CFAP61: variants seen among roughly 807,000 people sequenced by gnomAD.
The protein encoded by CFAP61 is cilia- and flagella-associated protein 61.
CFAP61 carries 107 observed loss-of-function variants against 135.6 expected under a neutral mutation model. The ratio of observed to expected loss-of-function variants is 0.79; its 90% CI spans 0.67 to 0.93. The LOEUF is 0.93. Among genes scored for constraint, CFAP61 ranks in the 40% least tolerant of loss-of-function variants. The probability of loss-of-function intolerance (pLI) is 0.00; values close to 1 mark genes in which losing one functional copy is unlikely to be tolerated. For synonymous variants in CFAP61, 575 were observed against 578.5 expected (o/e 0.99, Z 0.09); for missense variants, 1,507 against 1,556.2 (o/e 0.97, Z 0.53).
At chr20:20,334,782 C>G (rs1282844687) in intron 25 of CFAP61, among the ~76,000 whole-genome samples, 1 of 152,110 alleles carries the variant, frequency 6.6e-6, no homozygotes, top group Non-Finnish European at 1.5e-5. Context: ...TCAAAGCAAT[C>G]AAAAAATTGA....
chr20:20,057,285 TATA>T (rs1294134827), intron 2 of CFAP61, among the ~76,000 whole-genome samples: 4 of 152,168 alleles, frequency 2.6e-5, no homozygotes, highest in Non-Finnish European at 5.9e-5. Flanking sequence ...TCCTATTTCC[TATA>T]ATAATATGCA....
intron 8 of CFAP61, among the ~76,000 whole-genome samples, chr20:20,123,308 C>A (rs1183920979): frequency 6.6e-6 from 1 of 151,632 alleles, no homozygotes; most frequent in Non-Finnish European, 1.5e-5. Flanking sequence ...GTTTTTATTG[C>A]ATTTGTTTTT....
At position 20,071,009 on chromosome 20, in the gene CFAP61, G is replaced by GA; in HGVS notation, c.294+8dup. 6.2e-7 allele frequency: 1 copy of GA among 1,612,990 alleles called. No homozygotes were observed. The highest frequency in any genetic ancestry group is 8.5e-7 in the Non-Finnish European group (1 of 1,179,506). The stretch of plus-strand genomic sequence containing the variant: ...GACAGTGACATCCCATGCACAGTAA[G>GA]AAATCACATACAGTGCTTGTTAGAA... On this transcript the variant is annotated splice_donor_region_variant and intron_variant, in intron 3 of 26. Transcript: ENST00000245957.
At chr20:20,189,883 C>A (rs763610579) in intron 14 of CFAP61, among the ~76,000 whole-genome samples, 7 of 152,214 alleles carry the variant, frequency 4.6e-5, no homozygotes, top group African/African-American at 7.2e-5. Flanking sequence ...CAACCTCCGC[C>A]TCCCGGGTTC....
At chr20:20,223,304 T>G (rs887260402) in intron 17 of CFAP61, among the ~76,000 whole-genome samples, 1 of 152,148 alleles carries the variant, frequency 6.6e-6, no homozygotes, top group Non-Finnish European at 1.5e-5. Context: ...CCGAGGAAAC[T>G]GATATTTAGG....
At chr20:20,246,638 T>A (rs1342854047) in intron 19 of CFAP61, among the ~76,000 whole-genome samples, 1 of 152,238 alleles carries the variant, frequency 6.6e-6, no homozygotes, top group Non-Finnish European at 1.5e-5. Context: ...CATGCCAGTC[T>A]GGGTGAGCTT....
rs754016234 is a variant in CFAP61 at position 20,251,594 on chromosome 20, G to T, written c.2160-1G>T. 6.2e-7 allele frequency: 1 copy of T among 1,613,884 alleles called. No homozygotes were observed. The highest frequency in any genetic ancestry group is 8.5e-7 in the Non-Finnish European group (1 of 1,179,922). ...CACTTACGGAGCTTCTCTCTTTGCA[G>T]CCACTGTTTTAATGATAAAGATTAT... On this transcript the variant is annotated splice_acceptor_variant, in intron 19 of 26. Transcript: ENST00000245957. LOFTEE classifies it high-confidence loss of function.
At chr20:20,111,042 A>G (rs1316218438) in intron 8 of CFAP61, among the ~76,000 whole-genome samples, 1 of 152,172 alleles carries the variant, frequency 6.6e-6, no homozygotes, top group East Asian at 1.9e-4. Flanking sequence ...GCTCAGAGGT[A>G]ATGAGCAGGA....
chr20:20,199,636 A>G lies in CFAP61; in HGVS notation c.1798-132A>G. 8 of 890,486 alleles carry G rather than the reference A, an allele frequency of 9.0e-6. No individual in the cohort carries two copies. In the South Asian group the frequency reaches 1.4e-4, roughly 16 times the overall value. 55.2% of individuals were successfully genotyped at this position (890,486 alleles called of 1,614,324 possible). A position where few individuals can be genotyped will look rare whatever the true frequency, so the allele number is the denominator to read the frequency against. On this transcript the variant is annotated intron_variant, in intron 16 of 26. Transcript: ENST00000245957. ...CTCTGCTCGAAGAGTATGTTTGTTT[A>G]TTTGCTGATTTTTTTTTTTCCTCTC... is the stretch of plus-strand genomic sequence containing the variant.
rs1254399504 is a variant in CFAP61, at chr20:20,174,104, A to G, written c.1385+4644A>G. 3.9e-5 allele frequency among the ~76,000 whole-genome samples: 6 copies of G among 152,134 alleles called. No homozygotes were observed. The East Asian group carries it at 9.6e-4, about 24-fold the overall frequency. On this transcript the variant is annotated intron_variant, in intron 13 of 26. Transcript: ENST00000245957. ...AGCTTCATTTTCTTGAATCACTTGC[A>G]TTTAAAATTGGAGCACATGATGTAT...
At chr20:20,326,103 T>C (rs2057736967) in intron 25 of CFAP61, among the ~76,000 whole-genome samples, 1 of 152,210 alleles carries the variant, frequency 6.6e-6, no homozygotes, top group African/African-American at 2.4e-5. Flanking sequence ...ACTCAAATGC[T>C]TGCTTGCTAT....
At chr20:20,130,307 T>A (rs1018021928) in intron 8 of CFAP61, among the ~76,000 whole-genome samples, 11 of 151,294 alleles carry the variant, frequency 7.3e-5, no homozygotes, top group African/African-American at 2.4e-4. Context: ...AAAAAAAAGA[T>A]CACTGAGTTT....
At chr20:20,117,862 G>T (rs1354109500) in intron 8 of CFAP61, among the ~76,000 whole-genome samples, 1 of 152,060 alleles carries the variant, frequency 6.6e-6, no homozygotes, top group African/African-American at 2.4e-5. Context: ...TTGTAAATGG[G>T]ATTGCTTTCT....
intron 26 of CFAP61, among the ~76,000 whole-genome samples, chr20:20,348,689 C>CA (rs71198052): frequency 0.24 from 12,744 of 53,372 alleles, 1,952 homozygotes; most frequent in South Asian, 0.36. Context: ...GACTCCGTAT[C>CA]AAAAAAAAAA....
chr20:20,265,500 T>A (rs1054323953), intron 21 of CFAP61: 6 of 779,396 alleles, frequency 7.7e-6, no homozygotes, highest in Non-Finnish European at 1.4e-5. Context: ...AAGGGAAATG[T>A]TTTTTCAAGA....
At chr20:20,278,043 A>G (rs1053695287) in intron 22 of CFAP61, among the ~76,000 whole-genome samples, 2 of 152,212 alleles carry the variant, frequency 1.3e-5, no homozygotes, top group Admixed American at 6.5e-5. Context: ...GGACCAGCCC[A>G]TATTCAAGGA....
intron 17 of CFAP61, among the ~76,000 whole-genome samples, chr20:20,205,998 T>G (rs537633296): frequency 0.038 from 5,634 of 150,178 alleles, 139 homozygotes; most frequent in Middle Eastern, 0.094. Flanking sequence ...TTTTTTGGGG[T>G]GGGGGTTGGG....
chr20:20,308,446 G>A (rs1390718394), intron 25 of CFAP61, among the ~76,000 whole-genome samples: 1 of 148,720 alleles, frequency 6.7e-6, no homozygotes, highest in East Asian at 2.0e-4. Context: ...AAGGGGGCTG[G>A]TGTGGGGGAA....
At chr20:20,060,793 C>CT (rs1382527093) in intron 2 of CFAP61, among the ~76,000 whole-genome samples, 2 of 152,212 alleles carry the variant, frequency 1.3e-5, no homozygotes, top group African/African-American at 4.8e-5. Flanking sequence ...GGAAGTGCTC[C>CT]TTCTCAGAAC....
Sources: allele counts gnomAD v4.1 joint callset (sites outside exome capture counted in the v4.1 genomes callset), GRCh38; gene constraint gnomAD v4.1.1; transcripts MANE v1.5; gene names NCBI Gene and HGNC (gene_info 2026-07-23, HGNC 2026-07-21).